Variants in SRGAP2C observed in about 807,000 individuals in gnomAD.
SRGAP2C encodes SLIT-ROBO Rho GTPase-activating protein 2C.
SRGAP2C carries 15 observed loss-of-function variants against 25.1 expected under a neutral mutation model. The observed-to-expected ratio is 0.60, with a 90% CI of 0.40 to 0.92. SRGAP2C has a LOEUF of 0.92. Ranked by LOEUF, SRGAP2C falls within the 40% of genes least tolerant of loss-of-function variation. The pLI is 0.00. For synonymous variants in SRGAP2C, 44 were observed against 96.6 expected, an observed-to-expected ratio of 0.46 and a Z score of 3.19; for missense variants, 144 against 264.4, an observed-to-expected ratio of 0.54 and a Z score of 3.16.
At chr1:121,263,702 T>C (rs1656691000) in intron 2 of SRGAP2C, among the ~76,000 whole-genome samples, 2 of 151,596 alleles carry the variant, frequency 1.3e-5, no homozygotes, top group Non-Finnish European at 2.9e-5. Context: ...TTTAATGTCT[T>C]TCATTTGGTT....
chr1:121,280,099 G>T (rs1657207311), intron 2 of SRGAP2C, among the ~76,000 whole-genome samples: 1 of 148,982 alleles, frequency 6.7e-6, no homozygotes, highest in Admixed American at 6.7e-5. Context: ...ATATTCACAA[G>T]GTTGAGCAAC....
At chr1:121,285,466 G>T (rs1485718046) in intron 3 of SRGAP2C, among the ~76,000 whole-genome samples, 6 of 149,092 alleles carry the variant, frequency 4.0e-5, no homozygotes, top group Admixed American at 6.7e-5. Context: ...AGCTGGAATT[G>T]GGCTGCAGGG....
rs1445267267 is a variant in SRGAP2C at position 121,196,589 on chromosome 1, T to A, written c.67+9076T>A. 1.5e-4 allele frequency among the ~76,000 whole-genome samples: 12 copies of A among 80,536 alleles called. 5 individuals carry two copies. The highest frequency in any genetic ancestry group is 3.0e-4 in the Non-Finnish European group (12 of 40,254). 52.8% of individuals were successfully genotyped at this position (80,536 alleles called of 152,430 possible). A position where few individuals can be genotyped will look rare whatever the true frequency, so the allele number is the denominator to read the frequency against. Reference sequence around the variant, plus strand: ...GCCCTCAGTTGGAGTCTTGTCAGCATCACCTCCTTGCTGTGTGACCTTGCT... The same window carrying A: ...GCCCTCAGTTGGAGTCTTGTCAGCAACACCTCCTTGCTGTGTGACCTTGCT... On this transcript the variant is annotated intron_variant, in intron 2 of 9. Coordinates refer to ENST00000367123, the MANE Select transcript of SRGAP2C (RefSeq NM_001329984.2).
intron 4 of SRGAP2C, among the ~76,000 whole-genome samples, chr1:121,339,426 G>T (rs1431769376): frequency 1.3e-5 from 2 of 149,404 alleles, no homozygotes; most frequent in South Asian, 2.2e-4. Flanking sequence ...TAAGTTTTTT[G>T]TGTTTTTTTA....
intron 2 of SRGAP2C, among the ~76,000 whole-genome samples, chr1:121,204,228 G>A (rs1655060379): frequency 6.6e-6 from 1 of 151,520 alleles, no homozygotes. Flanking sequence ...AGTAGGTTTT[G>A]CATCTTACTA....
At chr1:121,351,166 C>T (rs1553345629) in intron 4 of SRGAP2C, among the ~76,000 whole-genome samples, 1 of 152,082 alleles carries the variant, frequency 6.6e-6, no homozygotes, top group African/African-American at 2.4e-5. Context: ...TGAAATGGTG[C>T]AGATGCTATG....
intron 4 of SRGAP2C, among the ~76,000 whole-genome samples, chr1:121,331,682 G>A (rs1423911945): frequency 9.4e-5 from 13 of 138,316 alleles, no homozygotes; most frequent in African/African-American, 3.0e-4. Flanking sequence ...CAACCCAAAT[G>A]TCCATCAACA....
chr1:121,236,242 C>T (rs1386275175), intron 2 of SRGAP2C, among the ~76,000 whole-genome samples: 4 of 151,996 alleles, frequency 2.6e-5, no homozygotes, highest in Non-Finnish European at 2.9e-5. Flanking sequence ...TGCTTATAGC[C>T]AGTAGAAGCT....
At chr1:121,345,649 CTTTTTTT>C (rs782110661) in intron 4 of SRGAP2C, among the ~76,000 whole-genome samples, 1 of 95,764 alleles carries the variant, frequency 1.0e-5, no homozygotes, top group East Asian at 3.5e-4. Flanking sequence ...GGTTGCTCTT[CTTTTTTT>C]TTTTTTTTTT....
intron 2 of SRGAP2C, among the ~76,000 whole-genome samples, chr1:121,198,581 G>C (rs1253527790): frequency 7.7e-6 from 1 of 130,408 alleles, no homozygotes; most frequent in East Asian, 2.3e-4. Context: ...TAAGCTTTAA[G>C]AAATATGTCT....
At chr1:121,347,000 G>GGGTA (rs1658762448) in intron 4 of SRGAP2C, among the ~76,000 whole-genome samples, 1 of 151,952 alleles carries the variant, frequency 6.6e-6, no homozygotes, top group Admixed American at 6.6e-5. Flanking sequence ...CTCAGGGCCG[G>GGGTA]GGTAGGGGTA....
intron 3 of SRGAP2C, among the ~76,000 whole-genome samples, chr1:121,316,849 T>C (rs1658110335): frequency 7.0e-6 from 1 of 143,030 alleles, no homozygotes; most frequent in African/African-American, 2.6e-5. Flanking sequence ...ATGGATTATA[T>C]TGGGGTGGCA....
Position 121,306,117 on chromosome 1 carries a change from G to T in SRGAP2C, c.261-18361G>T, listed in dbSNP as rs1324357459. 7.5e-3 allele frequency among the ~76,000 whole-genome samples: 1,139 copies of T among 152,122 alleles called. 12 individuals are homozygous for T. The highest frequency in any genetic ancestry group is 0.026 in the African/African-American group (1,093 of 41,468). ...AAGGCTGGGACCTCTGTGTCTGTGG[G>T]TACATTTGTAGGTCAAATAATTCAC... On this transcript the variant is annotated intron_variant, in intron 3 of 9. Coordinates refer to ENST00000367123, the MANE Select transcript of SRGAP2C (RefSeq NM_001329984.2).
chr1:121,310,350 A>C (rs1657954065), intron 3 of SRGAP2C, among the ~76,000 whole-genome samples: 1 of 121,346 alleles, frequency 8.2e-6, no homozygotes, highest in Non-Finnish European at 1.7e-5. Flanking sequence ...GTAGGTTGCA[A>C]AAATTTTCTC....
chr1:121,223,231 G>A (rs1332991841), intron 2 of SRGAP2C, among the ~76,000 whole-genome samples: 1 of 147,044 alleles, frequency 6.8e-6, no homozygotes, highest in African/African-American at 2.5e-5. Flanking sequence ...TGAAAGATGA[G>A]GGTTTTTCTT....
chr1:121,190,976 G>A (rs1654656921), intron 2 of SRGAP2C, among the ~76,000 whole-genome samples: 1 of 150,258 alleles, frequency 6.7e-6, no homozygotes, highest in Admixed American at 6.6e-5. Flanking sequence ...CCCCAGAGTG[G>A]TTTTATGAGG....
In SRGAP2C at chr1:121,375,109, A is replaced by G. The variant is rs587595042; in HGVS notation, c.831+155A>G. Among the ~76,000 whole-genome samples the G allele has an allele frequency of 5.3e-3, 801 of 151,924 alleles. 11 individuals carry two copies. The highest frequency in any genetic ancestry group is 0.018 in the African/African-American group (744 of 41,378). ...TCCATCAGAGTGCTTGCCAAGCACC[A>G]TGTGAAACACTTCACACTTATTCAA... is the stretch of plus-strand genomic sequence containing the variant. On this transcript the variant is annotated intron_variant, in intron 7 of 9. Coordinates refer to ENST00000367123, the MANE Select transcript of SRGAP2C (RefSeq NM_001329984.2).
At chr1:121,206,340 C>T (rs201817700) in intron 2 of SRGAP2C, among the ~76,000 whole-genome samples, 1,611 of 152,202 alleles carry the variant, frequency 0.011, 31 homozygotes, top group East Asian at 0.071. Context: ...TAAATGTGTG[C>T]TGAGTGAGGG....
At chr1:121,271,099 A>G (rs1570753018) in intron 2 of SRGAP2C, among the ~76,000 whole-genome samples, 1 of 149,088 alleles carries the variant, frequency 6.7e-6, no homozygotes, top group Non-Finnish European at 1.5e-5. Flanking sequence ...GCCCAGCTGG[A>G]CTGTTTTTTT....
Sources: allele counts gnomAD v4.1 joint callset (sites outside exome capture counted in the v4.1 genomes callset), GRCh38; gene constraint gnomAD v4.1.1; transcripts MANE v1.5; gene names NCBI Gene and HGNC (gene_info 2026-07-23, HGNC 2026-07-21).